The following OR5AN1 variants were observed in gnomAD, a reference collection of about 807,000 sequenced individuals.
The protein encoded by OR5AN1 is olfactory receptor family 5 subfamily AN member 1.
For synonymous variants in OR5AN1, 167 were observed against 131.8 expected, an observed-to-expected ratio of 1.27 and a Z score of -1.83; for missense variants, 476 against 368.9, an observed-to-expected ratio of 1.29 and a Z score of -2.38.
chr11:59,361,076 G>A (rs923167949), intron 1 of OR5AN1, among the ~76,000 whole-genome samples: 2 of 152,238 alleles, frequency 1.3e-5, no homozygotes, highest in Admixed American at 1.3e-4. Context: ...ATCAGGAGTT[G>A]ACAATTCAGC....
chr11:59,362,737 G>A (rs1857477544), intron 1 of OR5AN1, among the ~76,000 whole-genome samples: 1 of 152,102 alleles, frequency 6.6e-6, no homozygotes, highest in South Asian at 2.1e-4. Context: ...GCATACCTTT[G>A]GTTGCTGCAA....
chr11:59,359,369 G>C (rs1310723815), intron 1 of OR5AN1, 97 bp downstream of exon 1: 1 of 152,080 alleles, frequency 6.6e-6, no homozygotes, highest in Non-Finnish European at 1.5e-5. Flanking sequence ...TGGGGATGTT[G>C]GGATAAACTA....
In OR5AN1 at chr11:59,364,943, G is replaced by T. The variant is rs75457182; in HGVS notation, c.485G>T (p.Gly162Val). ...TGLTASLFQIGALLQLHFCGS... is the reference protein window; with the variant it reads ...TGLTASLFQIVALLQLHFCGS... ...CTCACTGCTTCTTTATTCCAAATTG[G>T]TGCTTTGCTTCAACTCCACTTCTGT... is the stretch of plus-strand genomic sequence containing the variant. The change falls in exon 2 of 2, where the codon GGT (glycine) becomes GTT (valine). Residue 162 changes from glycine (G) to valine (V), a missense_variant. Physicochemically the swap from Gly to Val is moderately radical, Grantham distance 109 (BLOSUM62 -3). Coordinates refer to ENST00000641998, the MANE Select transcript of OR5AN1 (RefSeq NM_001004729.2). The T allele has an allele frequency of 5.0e-6, 8 of 1,614,004 alleles. No individual in the cohort carries two copies. Among genetic ancestry groups the T allele is most frequent in the South Asian group, 1.1e-5 (1 of 91,078 alleles).
At chr11:59,361,494 T>C (rs571532761) in intron 1 of OR5AN1, among the ~76,000 whole-genome samples, 43 of 152,348 alleles carry the variant, frequency 2.8e-4, no homozygotes, top group Non-Finnish European at 5.6e-4. Flanking sequence ...TTAGCCAGAC[T>C]GGTCTCAAAC....
Position 59,364,391 on chromosome 11 carries a change from G to A in OR5AN1, c.-13-55G>A, listed in dbSNP as rs185954875. ...GATGTACACATATGAAGACGGTAAT[G>A]TTATCACTTCAACTGAGTTAGCAAT... On this transcript the variant is annotated intron_variant, in intron 1 of 1. Transcript: ENST00000641998. 79 of 1,066,130 alleles carry A rather than the reference G, an allele frequency of 7.4e-5. No individual in the cohort carries two copies. In the Admixed American group the frequency reaches 9.2e-4, roughly 12 times the overall value. 66.0% of individuals were successfully genotyped at this position (1,066,130 alleles called of 1,614,324 possible).
rs985230154 is a variant in OR5AN1 at position 59,371,059 on chromosome 11, G to A, written c.*5665G>A. On this transcript the variant is annotated 3_prime_UTR_variant, in exon 2 of 2. Transcript: ENST00000641998. ...CTTTTGCTTTAATATTTGTGTGTAT[G>A]TGGAGTATTCCTTTTTCTTTTAAAC... is the stretch of plus-strand genomic sequence containing the variant. 2 of 151,028 alleles carry A rather than the reference G, an allele frequency of 1.3e-5. No homozygotes were observed. Among genetic ancestry groups the A allele is most frequent in the African/African-American group, 2.4e-5 (1 of 41,166 alleles). The allele number at this position is 151,028 out of a possible 1,614,324, so 9.4% of individuals were successfully genotyped here. A position where few individuals can be genotyped will look rare whatever the true frequency, so the allele number is the denominator to read the frequency against.
intron 1 of OR5AN1, among the ~76,000 whole-genome samples, chr11:59,362,212 A>G (rs1305914521): frequency 3.3e-5 from 5 of 152,112 alleles, no homozygotes. Context: ...CTGTCTTATC[A>G]CTATTTTCCC....
Position 59,369,395 on chromosome 11 carries a change from G to A in OR5AN1, c.*4001G>A, listed in dbSNP as rs1857567772. ...ATCACAATAAAGTGACACAGAAGCT[G>A]AAAGAAAAATAGCCAGTATAAAAAA... On this transcript the variant is annotated 3_prime_UTR_variant, in exon 2 of 2. Transcript: ENST00000641998. The A allele has an allele frequency of 6.6e-6, 1 of 152,092 alleles. No individual in the cohort carries two copies. The highest frequency in any genetic ancestry group is 1.5e-5 in the Non-Finnish European group (1 of 68,006). 9.4% of individuals were successfully genotyped at this position (152,092 alleles called of 1,614,324 possible).
rs1439533761 is a variant in OR5AN1, at chr11:59,365,299, G to A, written c.841G>A (p.Val281Met). Residue 281 changes from valine (V) to methionine (M), a missense_variant, in exon 2 of 2, where the codon GTG becomes ATG. Val to Met is a conservative substitution (Grantham distance 21). Transcript: ENST00000641998. Reference protein sequence around the residue: ...FDRFASVFYTVVIPMLNPLIY... With the variant: ...FDRFASVFYTMVIPMLNPLIY... ...CAGATTTGCATCTGTTTTCTACACT[G>A]TGGTCATTCCCATGTTAAATCCCTT... 3.1e-6 allele frequency: 5 copies of A among 1,612,692 alleles called. No homozygotes were observed. The highest frequency in any genetic ancestry group is 1.3e-5 in the African/African-American group (1 of 74,892).
rs1857586590 is a variant in OR5AN1 at position 59,370,851 on chromosome 11, T to G, written c.*5457T>G. On this transcript the variant is annotated 3_prime_UTR_variant, in exon 2 of 2. Coordinates refer to ENST00000641998, the MANE Select transcript of OR5AN1 (RefSeq NM_001004729.2). The stretch of plus-strand genomic sequence containing the variant: ...AAACCAATAGGATACATCAGAGGAG[T>G]TCCTGAACTCCTTAAAATTGTTGGA... 1 of 152,078 alleles carries G rather than the reference T, an allele frequency of 6.6e-6. No homozygotes were observed. The highest frequency in any genetic ancestry group is 1.5e-5 in the Non-Finnish European group (1 of 68,018). The allele number at this position is 152,078 out of a possible 1,614,324, so 9.4% of individuals were successfully genotyped here.
chr11:59,360,409 G>T (rs1430249242), intron 1 of OR5AN1, among the ~76,000 whole-genome samples: 1 of 151,852 alleles, frequency 6.6e-6, no homozygotes, highest in African/African-American at 2.4e-5. Context: ...TTTTATTTTT[G>T]AATCTTTTTT....
Position 59,364,691 on chromosome 11 carries a change from C to T in OR5AN1, c.233C>T (p.Thr78Ile). 6.2e-7 allele frequency: 1 copy of T among 1,613,780 alleles called. No individual in the cohort carries two copies. Among genetic ancestry groups the T allele is most frequent in the Non-Finnish European group, 8.5e-7 (1 of 1,179,788 alleles). ...ATAGATGTCTGCTATATCAGCTCCACAGTCCCCAAGATGCTCTCCAACCTC... is the reference window on the plus strand; with the variant it reads ...ATAGATGTCTGCTATATCAGCTCCATAGTCCCCAAGATGCTCTCCAACCTC... ...SFIDVCYISS[T>I]VPKMLSNLLQ... Residue 78 changes from threonine to isoleucine, a missense_variant, in exon 2 of 2, where the codon ACA becomes ATA. Physicochemically the swap from Thr to Ile is moderately conservative, Grantham distance 89. Transcript: ENST00000641998.
At position 59,364,517 on chromosome 11, in the gene OR5AN1, A is replaced by T; in HGVS notation, c.59A>T (p.Asp20Val). ...TATTTCATCCTGCTGGGATTCTCAG[A>T]TTTTCCCAGGATCATAAAAGTGCTC... ...ITYFILLGFS[D>V]FPRIIKVLFT... Residue 20 changes from aspartate to valine, a missense_variant, in exon 2 of 2, where the codon GAT (aspartate) becomes GTT (valine). Physicochemically the swap from Asp to Val is radical, Grantham distance 152. Coordinates refer to ENST00000641998, the MANE Select transcript of OR5AN1 (RefSeq NM_001004729.2). 2 of 1,613,782 alleles carry T rather than the reference A, an allele frequency of 1.2e-6. No homozygotes were observed. Among genetic ancestry groups the T allele is most frequent in the Non-Finnish European group, 1.7e-6 (2 of 1,179,904 alleles).
At position 59,364,103 on chromosome 11, in the gene OR5AN1, C is replaced by T. The variant is rs921532327; in HGVS notation, c.-13-343C>T. ...TTAAAGCAACAGTTATATAATGAAT[C>T]ACCAGAGGTCTTTTTGAAGAAAAAC... On this transcript the variant is annotated intron_variant, in intron 1 of 1. Transcript: ENST00000641998. Among the ~76,000 whole-genome samples the T allele has an allele frequency of 2.6e-5, 4 of 152,144 alleles. No individual in the cohort carries two copies. In the East Asian group the frequency reaches 7.7e-4, roughly 29 times the overall value.
intron 1 of OR5AN1, among the ~76,000 whole-genome samples, chr11:59,363,218 G>A (rs1565052550): frequency 6.6e-6 from 1 of 152,198 alleles, no homozygotes; most frequent in African/African-American, 2.4e-5. Flanking sequence ...TGTGTGCTAA[G>A]TTTTTGCATG....
intron 1 of OR5AN1, among the ~76,000 whole-genome samples, chr11:59,362,616 AATT>A (rs1404720480): frequency 3.0e-4 from 46 of 152,296 alleles, no homozygotes; most frequent in African/African-American, 1.1e-3. Context: ...AATCCTTTCT[AATT>A]ATTCATCTTT....
In OR5AN1 at chr11:59,365,558, G is replaced by A. The variant is rs888684078; in HGVS notation, c.*164G>A. 4.0e-5 allele frequency: 22 copies of A among 553,062 alleles called. No individual in the cohort carries two copies. The highest frequency in any genetic ancestry group is 7.0e-5 in the Non-Finnish European group (22 of 315,708). The allele number at this position is 553,062 out of a possible 1,614,324, so 34.3% of individuals were successfully genotyped here. A position where few individuals can be genotyped will look rare whatever the true frequency, so the allele number is the denominator to read the frequency against. ...AATATGCCAATATGGACCAACAGAT[G>A]ACTCAATGCCACAGACATCAGGATC... is the stretch of plus-strand genomic sequence containing the variant. On this transcript the variant is annotated 3_prime_UTR_variant, in exon 2 of 2. Coordinates refer to ENST00000641998, the MANE Select transcript of OR5AN1 (RefSeq NM_001004729.2).
rs796271212 is a variant in OR5AN1, at chr11:59,367,839, A to T, written c.*2445A>T. The T allele has an allele frequency of 6.6e-6, 1 of 152,438 alleles. No individual in the cohort carries two copies. The highest frequency in any genetic ancestry group is 2.1e-4 in the South Asian group (1 of 4,836). 9.4% of individuals were successfully genotyped at this position (152,438 alleles called of 1,614,324 possible). A position where few individuals can be genotyped will look rare whatever the true frequency, so the allele number is the denominator to read the frequency against. Reference sequence around the variant, plus strand: ...CCACCCCCACCAAGCTCTCCAGGTGACAAAGATTTGAATTATCCCTGAGAT... The same window carrying T: ...CCACCCCCACCAAGCTCTCCAGGTGTCAAAGATTTGAATTATCCCTGAGAT... On this transcript the variant is annotated 3_prime_UTR_variant, in exon 2 of 2. Transcript: ENST00000641998.
chr11:59,360,054 GT>G (rs1168145479), intron 1 of OR5AN1: 2 of 152,134 alleles, frequency 1.3e-5, no homozygotes, highest in African/African-American at 4.8e-5. Flanking sequence ...TGTATCCAGA[GT>G]TTTTTCTCTT....
Sources: allele counts gnomAD v4.1 joint callset (sites outside exome capture counted in the v4.1 genomes callset), GRCh38; gene constraint gnomAD v4.1.1; transcripts MANE v1.5; gene names NCBI Gene and HGNC (gene_info 2026-07-23, HGNC 2026-07-21).